CAST: variants seen among roughly 807,000 people sequenced by gnomAD.
CAST encodes the protein calpastatin, also known as MIR583 host.
A neutral mutation model predicts 119.6 loss-of-function variants in CAST; 76 were observed. The observed-to-expected ratio is 0.64, with a 90% CI of 0.53 to 0.77. CAST has a LOEUF of 0.77. Ranked by LOEUF, CAST falls within the 30% of genes least tolerant of loss-of-function variation. The pLI, the probability that CAST is intolerant of heterozygous loss-of-function variation, is 0.00. For synonymous variants in CAST, 319 were observed against 331.6 expected (o/e 0.96, Z 0.41); for missense variants, 953 against 946.5 (o/e 1.01, Z -0.09).
the CAST span, among the ~76,000 whole-genome samples, chr5:96,488,876 T>C: frequency 5.3e-5 from 8 of 152,226 alleles, no homozygotes; most frequent in Non-Finnish European, 1.0e-4. Context: ...CTCTCTCTTT[T>C]TGAGGCTCAA....
the CAST span, among the ~76,000 whole-genome samples, chr5:96,340,097 A>T: frequency 2.0e-5 from 3 of 152,238 alleles, no homozygotes; most frequent in African/African-American, 7.2e-5. Flanking sequence ...TTAAGCAGTC[A>T]GTATTAAGAG....
intron 1 of CAST, among the ~76,000 whole-genome samples, chr5:96,565,073 G>GA (rs1746442820): frequency 3.6e-5 from 2 of 56,224 alleles, no homozygotes; most frequent in Non-Finnish European, 6.5e-5. Flanking sequence ...AAACACATGG[G>GA]AAAGGTGTGT....
intron 1 of CAST, among the ~76,000 whole-genome samples, chr5:96,562,904 A>T (rs1746405627): frequency 6.6e-6 from 1 of 152,222 alleles, no homozygotes; most frequent in African/African-American, 2.4e-5. Flanking sequence ...AATTTGAGAA[A>T]ACAGCAGAAG....
chr5:96,094,858 A>G, the CAST span, among the ~76,000 whole-genome samples: 1 of 152,240 alleles, frequency 6.6e-6, no homozygotes, highest in South Asian at 2.1e-4. Flanking sequence ...AGAGGCTTGC[A>G]TATTACTCTC....
the CAST span, among the ~76,000 whole-genome samples, chr5:96,406,590 A>G: frequency 6.6e-6 from 1 of 152,218 alleles, no homozygotes; most frequent in African/African-American, 2.4e-5. Context: ...CCCCATCTCC[A>G]TAGGAAGCCC....
the CAST span, among the ~76,000 whole-genome samples, chr5:96,183,511 C>T: frequency 1.3e-5 from 2 of 152,092 alleles, no homozygotes; most frequent in Admixed American, 1.3e-4. Context: ...TTCAGAAACA[C>T]TGGTAATTCT....
At chr5:96,663,185 G>A (rs1049620471) in intron 1 of CAST, 1 of 702,706 alleles carries the variant, frequency 1.4e-6, no homozygotes, top group Admixed American at 2.0e-5. Flanking sequence ...GAGCGGTTGT[G>A]CCTGGGCAGG....
At chr5:96,037,220 A>G in the CAST span, among the ~76,000 whole-genome samples, 1 of 152,152 alleles carries the variant, frequency 6.6e-6, no homozygotes, top group East Asian at 1.9e-4. Flanking sequence ...AAAGGTGCCA[A>G]TAGAAGTTTA....
At chr5:96,307,544 T>C in the CAST span, among the ~76,000 whole-genome samples, 47,784 of 152,100 alleles carry the variant, frequency 0.31, 7,794 homozygotes, top group Admixed American at 0.4. Flanking sequence ...TTCTTCATAG[T>C]GTCTATGGTC....
the CAST span, among the ~76,000 whole-genome samples, chr5:96,293,149 C>A: frequency 3.9e-5 from 6 of 152,202 alleles, no homozygotes; most frequent in Admixed American, 2.0e-4. Context: ...GCTCCTCCCC[C>A]AGAGGTGTAC....
the CAST span, among the ~76,000 whole-genome samples, chr5:96,341,158 A>G: frequency 6.6e-6 from 1 of 152,214 alleles, no homozygotes; most frequent in Non-Finnish European, 1.5e-5. Context: ...CTCAGAAGGA[A>G]TTATTTGCAC....
At chr5:96,284,362 T>TGG in the CAST span, among the ~76,000 whole-genome samples, 1 of 152,164 alleles carries the variant, frequency 6.6e-6, no homozygotes, top group African/African-American at 2.4e-5. Context: ...TCATGGATGC[T>TGG]GGGGTGCTAA....
At chr5:96,189,463 C>T in the CAST span, among the ~76,000 whole-genome samples, 1 of 152,196 alleles carries the variant, frequency 6.6e-6, no homozygotes, top group Non-Finnish European at 1.5e-5. Context: ...AATATCAGTT[C>T]CTTTAAATTC....
At chr5:96,623,496 T>C (rs575237238) in intron 1 of CAST, among the ~76,000 whole-genome samples, 3 of 152,320 alleles carry the variant, frequency 2.0e-5, no homozygotes, top group South Asian at 2.1e-4. Context: ...ACATCATTTT[T>C]CAGAAGGGGA....
At chr5:96,095,447 G>C in the CAST span, among the ~76,000 whole-genome samples, 2 of 148,960 alleles carry the variant, frequency 1.3e-5, no homozygotes, top group Non-Finnish European at 3.0e-5. Context: ...TGTATTCCCA[G>C]CTACTTGGGA....
intron 1 of CAST, among the ~76,000 whole-genome samples, chr5:96,603,725 A>T (rs1016944907): frequency 7.0e-6 from 1 of 143,256 alleles, no homozygotes; most frequent in South Asian, 2.2e-4. Flanking sequence ...ATTATCAAGT[A>T]TTATGTACTG....
chr5:96,323,805 G>T, the CAST span, among the ~76,000 whole-genome samples: 2 of 152,208 alleles, frequency 1.3e-5, no homozygotes, highest in Non-Finnish European at 2.9e-5. Flanking sequence ...GAAGAAACCA[G>T]GGGCCCTGAA....
At chr5:96,559,618 A>G (rs1355732218) in intron 1 of CAST, among the ~76,000 whole-genome samples, 1 of 152,198 alleles carries the variant, frequency 6.6e-6, no homozygotes, top group Non-Finnish European at 1.5e-5. Flanking sequence ...CTTCAAAGAG[A>G]ATAAAATACC....
the CAST span, among the ~76,000 whole-genome samples, chr5:96,212,847 A>G: frequency 1.3e-5 from 2 of 152,156 alleles, no homozygotes; most frequent in South Asian, 2.1e-4. Context: ...GGCTCAGACA[A>G]TGATCCATGC....
Sources: allele counts gnomAD v4.1 joint callset (sites outside exome capture counted in the v4.1 genomes callset), GRCh38; gene constraint gnomAD v4.1.1; transcripts MANE v1.5; gene names NCBI Gene and HGNC (gene_info 2026-07-23, HGNC 2026-07-21).